The following KCNJ6 variants were observed in gnomAD, a reference collection of about 807,000 sequenced individuals.
KCNJ6 encodes the protein potassium inwardly rectifying channel subfamily J member 6, also known as G protein-activated inward rectifier potassium channel 2.
Under a neutral mutation model 34.2 loss-of-function variants are expected in KCNJ6, and 9 were observed. That is an observed-to-expected ratio of 0.26 (90% CI 0.16 to 0.46). The LOEUF is 0.46. KCNJ6 is among the 20% of genes least tolerant of loss of function. KCNJ6 has a pLI of 1.00. For synonymous variants in KCNJ6, 196 were observed against 207.1 expected (o/e 0.95, Z 0.46); for missense variants, 236 against 531.3 (o/e 0.44, Z 5.46).
chr21:37,890,155 G>A (rs2055755341), intron 1 of KCNJ6, among the ~76,000 whole-genome samples: 1 of 152,182 alleles, frequency 6.6e-6, no homozygotes, highest in South Asian at 2.1e-4. Flanking sequence ...CATGGCTGAG[G>A]AGGCCTCAGA....
intron 3 of KCNJ6, among the ~76,000 whole-genome samples, chr21:37,646,962 C>G (rs560521831): frequency 1.3e-5 from 2 of 152,160 alleles, no homozygotes; most frequent in Non-Finnish European, 2.9e-5. Flanking sequence ...CCTGAGCCAC[C>G]GTGCCTGGCC....
At position 37,715,130 on chromosome 21, in the gene KCNJ6, A is replaced by C; in HGVS notation, c.27T>G (p.Thr9=). 6.2e-7 allele frequency: 1 copy of C among 1,606,868 alleles called. No individual in the cohort carries two copies. MAKLTESM[T]NVLEGDSMDQ... is the part of the protein sequence containing the mutation. Reference sequence around the variant, plus strand: ...CCATGGAGTCGCCCTCCAGGACGTTAGCTGGTGGTTTGGAGAAAAGAAAAG... The same window carrying C: ...CCATGGAGTCGCCCTCCAGGACGTTCGCTGGTGGTTTGGAGAAAAGAAAAG... The change falls in exon 3 of 4, where the codon ACT becomes ACG. Residue 9 remains threonine (T), a splice_region_variant and synonymous_variant. Transcript: ENST00000609713.
intron 3 of KCNJ6, among the ~76,000 whole-genome samples, chr21:37,713,068 CCACCACCGTAAAAGAAAT>C (rs1414732523): frequency 1.3e-5 from 2 of 152,086 alleles, no homozygotes; most frequent in East Asian, 3.9e-4. Context: ...AAGTTTCACA[CCACCACCGTAAAAGAAAT>C]TTGTGAGAGG....
chr21:37,681,056 C>T lies in KCNJ6; in HGVS notation c.946+33155G>A, dbSNP rs544153984. Among the ~76,000 whole-genome samples, 1,082 of 152,262 alleles carry T rather than the reference C, an allele frequency of 7.1e-3. 15 individuals are homozygous for T. The highest frequency in any genetic ancestry group is 0.025 in the African/African-American group (1,038 of 41,544). On this transcript the variant is annotated intron_variant, in intron 3 of 3. Transcript: ENST00000609713. ...GAGGTTCCCATCAAGGACACTGGGC[C>T]TGAGGATCATGTTGGTTGTGAATGT...
At chr21:37,772,888 C>T (rs777044769) in intron 2 of KCNJ6, among the ~76,000 whole-genome samples, 14 of 152,158 alleles carry the variant, frequency 9.2e-5, no homozygotes, top group Admixed American at 1.3e-4. Context: ...ATATGTTATA[C>T]TATAGCATTA....
At chr21:37,823,596 TAC>T (rs2055384483) in intron 2 of KCNJ6, among the ~76,000 whole-genome samples, 1 of 152,192 alleles carries the variant, frequency 6.6e-6, no homozygotes, top group Non-Finnish European at 1.5e-5. Flanking sequence ...CATTTCCTCC[TAC>T]ACACTCTCAC....
At chr21:37,652,392 G>A (rs1378215374) in intron 3 of KCNJ6, among the ~76,000 whole-genome samples, 1 of 152,158 alleles carries the variant, frequency 6.6e-6, no homozygotes, top group Non-Finnish European at 1.5e-5. Flanking sequence ...AAAAAGAAGA[G>A]GAAGAATGGA....
At chr21:37,671,130 C>A (rs1178541787) in intron 3 of KCNJ6, among the ~76,000 whole-genome samples, 1 of 152,100 alleles carries the variant, frequency 6.6e-6, no homozygotes, top group Non-Finnish European at 1.5e-5. Context: ...CAGCTGCAGA[C>A]CTCTAGATAG....
At chr21:37,709,745 C>T (rs1427455518) in intron 3 of KCNJ6, among the ~76,000 whole-genome samples, 2 of 152,084 alleles carry the variant, frequency 1.3e-5, no homozygotes, top group African/African-American at 2.4e-5. Flanking sequence ...GTGAAATGGG[C>T]AAAGATTCCC....
At chr21:37,808,090 G>A (rs558778603) in intron 2 of KCNJ6, among the ~76,000 whole-genome samples, 3 of 152,286 alleles carry the variant, frequency 2.0e-5, no homozygotes, top group African/African-American at 4.8e-5. Flanking sequence ...CTCTACTATA[G>A]GATAAGATTA....
At chr21:37,643,613 C>G (rs985858123) in intron 3 of KCNJ6, among the ~76,000 whole-genome samples, 1 of 152,174 alleles carries the variant, frequency 6.6e-6, no homozygotes, top group Admixed American at 6.5e-5. Context: ...CAAACAAGCT[C>G]TGGACTAAGG....
intron 3 of KCNJ6, among the ~76,000 whole-genome samples, chr21:37,691,228 C>G (rs1362689832): frequency 6.6e-6 from 1 of 152,170 alleles, no homozygotes; most frequent in African/African-American, 2.4e-5. Flanking sequence ...CCAGGTATGG[C>G]TAGGACAACA....
At chr21:37,812,918 C>T (rs1028460572) in intron 2 of KCNJ6, among the ~76,000 whole-genome samples, 5 of 152,158 alleles carry the variant, frequency 3.3e-5, no homozygotes, top group African/African-American at 9.6e-5. Flanking sequence ...TAGCTACAGC[C>T]GTCAGACAAG....
chr21:37,765,052 A>C (rs1414942749), intron 2 of KCNJ6, among the ~76,000 whole-genome samples: 1 of 152,214 alleles, frequency 6.6e-6, no homozygotes, highest in East Asian at 1.9e-4. Flanking sequence ...GCTATTTTCA[A>C]AATTAAATTA....
At chr21:37,713,967 T>G (rs1240251408) in intron 3 of KCNJ6, among the ~76,000 whole-genome samples, 1 of 151,648 alleles carries the variant, frequency 6.6e-6, no homozygotes, top group Non-Finnish European at 1.5e-5. Flanking sequence ...TAAAATATAT[T>G]ACATGGTGAT....
intron 3 of KCNJ6, among the ~76,000 whole-genome samples, chr21:37,671,200 C>T (rs552639800): frequency 3.3e-5 from 5 of 152,260 alleles, no homozygotes; most frequent in Admixed American, 6.5e-5. Context: ...TTGAGACTTT[C>T]GGTCCCACCC....
intron 2 of KCNJ6, among the ~76,000 whole-genome samples, chr21:37,726,225 C>T (rs1250544217): frequency 2.6e-5 from 4 of 152,156 alleles, no homozygotes; most frequent in Admixed American, 6.5e-5. Context: ...TTTAAAATCT[C>T]ATCCATTACC....
rs1428922609 is a variant in KCNJ6, at chr21:37,632,254, C to T, written c.947-6770G>A. Among the ~76,000 whole-genome samples the T allele has an allele frequency of 2.6e-5, 4 of 151,446 alleles. No homozygotes were observed. In the East Asian group the frequency reaches 5.8e-4, roughly 22 times the overall value. On this transcript the variant is annotated intron_variant, in intron 3 of 3. Transcript: ENST00000609713. ...AAGAAAAGATGAACTTAAAAATTAC[C>T]TCGTTTTGGAATATATGACCACACT... is the stretch of plus-strand genomic sequence containing the variant.
In KCNJ6 at chr21:37,846,028, A is replaced by C. The variant is rs144733408; in HGVS notation, c.-27-5319T>G. On this transcript the variant is annotated intron_variant, in intron 1 of 3. Transcript: ENST00000609713. ...GTAAAACATGTTCACAGATGCTGAA[A>C]AAAAAACAACGTTAAGTGTCTTGTT... Among the ~76,000 whole-genome samples, 548 of 152,346 alleles carry C rather than the reference A, an allele frequency of 3.6e-3. 3 individuals carry two copies. The highest frequency in any genetic ancestry group is 0.013 in the African/African-American group (529 of 41,584).
Sources: allele counts gnomAD v4.1 joint callset (sites outside exome capture counted in the v4.1 genomes callset), GRCh38; gene constraint gnomAD v4.1.1; transcripts MANE v1.5; gene names NCBI Gene and HGNC (gene_info 2026-07-23, HGNC 2026-07-21).